E2F6: variants seen among roughly 807,000 people sequenced by gnomAD.
E2F6 encodes the protein transcription factor E2F6.
In E2F6, 19 loss-of-function variants were observed where a neutral mutation model predicts 31.5. The ratio of observed to expected loss-of-function variants is 0.60; its 90% confidence interval spans 0.42 to 0.89. The LOEUF is 0.89. Ranked by LOEUF, E2F6 falls within the 40% of genes least tolerant of loss-of-function variation. The pLI, the probability that E2F6 is intolerant of heterozygous loss-of-function variation, is 0.00. For missense variants in E2F6, 269 were observed against 341.6 expected, an observed-to-expected ratio of 0.79 and a Z score of 1.67; for synonymous variants, 121 against 127.7, an observed-to-expected ratio of 0.95 and a Z score of 0.36.
At chr2:11,456,966 A>G (rs1366193476) in intron 2 of E2F6, 2 of 504,238 alleles carry the variant, frequency 4.0e-6, no homozygotes, top group East Asian at 7.4e-5. Context: ...AGCCTTAAAT[A>G]CAGACTGTTC....
chr2:11,454,557 G>A (rs936683242), intron 2 of E2F6, among the ~76,000 whole-genome samples: 1 of 152,010 alleles, frequency 6.6e-6, no homozygotes, highest in Non-Finnish European at 1.5e-5. Flanking sequence ...ATATTGGCCA[G>A]GCTGGTCTTG....
At position 11,444,988 on chromosome 2, in the gene E2F6, C is replaced by T. The variant is rs1280741508; in HGVS notation, c.*1489G>A. On this transcript the variant is annotated 3_prime_UTR_variant, in exon 7 of 7. Transcript: ENST00000381525. Reference sequence around the variant, plus strand: ...TTGAGGCTAACCGCTGGGGGAGGAGCACACTTCATCCCCAGGTGCACAGAA... The same window carrying T: ...TTGAGGCTAACCGCTGGGGGAGGAGTACACTTCATCCCCAGGTGCACAGAA... 5 of 152,188 alleles carry T rather than the reference C, an allele frequency of 3.3e-5. No individual in the cohort carries two copies. Among genetic ancestry groups the T allele is most frequent in the Admixed American group, 3.3e-4 (5 of 15,276 alleles). The allele number at this position is 152,188 out of a possible 1,614,324, so 9.4% of individuals were successfully genotyped here. A position where few individuals can be genotyped will look rare whatever the true frequency, so the allele number is the denominator to read the frequency against.
At chr2:11,453,828 AT>A in intron 2 of E2F6, 30 bp from the exon 3 acceptor site, 1 of 1,562,366 alleles carries the variant, frequency 6.4e-7, no homozygotes, top group African/African-American at 1.4e-5. Context: ...TATTTGTAAA[AT>A]TTTAAATAAC....
In E2F6 at chr2:11,453,612, T is replaced by A; in HGVS notation, c.350A>T (p.Glu117Val). The A allele has an allele frequency of 6.2e-7, 1 of 1,614,186 alleles. No homozygotes were observed. Among genetic ancestry groups the A allele is most frequent in the African/African-American group, 1.3e-5 (1 of 75,048 alleles). Reference sequence around the variant, plus strand: ...TCTAATATGGTTCTTGGATTTCTTTTCAACGAGGTCGATTCCATCTAAGAC... The same window carrying A: ...TCTAATATGGTTCTTGGATTTCTTTACAACGAGGTCGATTCCATCTAAGAC... ...TNVLDGIDLV[E>V]KKSKNHIRWI... Residue 117 changes from glutamate (E) to valine (V), a missense_variant, in exon 3 of 7, where the codon GAA (glutamate) becomes GTA (valine). Physicochemically the swap from Glu to Val is moderately radical, Grantham distance 121. Transcript: ENST00000381525.
chr2:11,448,686 T>C (rs1670873775), intron 5 of E2F6, among the ~76,000 whole-genome samples: 1 of 152,240 alleles, frequency 6.6e-6, no homozygotes, highest in Non-Finnish European at 1.5e-5. Context: ...TTAATAGATA[T>C]TTCTTAACAA....
intron 2 of E2F6, chr2:11,456,955 T>C (rs948032720): frequency 1.7e-5 from 8 of 467,138 alleles, no homozygotes; most frequent in Admixed American, 4.3e-5. Flanking sequence ...TCTGAGAAAA[T>C]AGCCTTAAAT....
chr2:11,464,402 A>C (rs958972250), intron 1 of E2F6, among the ~76,000 whole-genome samples: 2 of 151,604 alleles, frequency 1.3e-5, no homozygotes, highest in African/African-American at 4.9e-5. Context: ...CTGTAGTCCC[A>C]GCTACTCAGG....
At chr2:11,459,199 C>G (rs895497929) in intron 1 of E2F6, among the ~76,000 whole-genome samples, 1 of 152,098 alleles carries the variant, frequency 6.6e-6, no homozygotes, top group African/African-American at 2.4e-5. Flanking sequence ...TGCAGAGGTT[C>G]CCGTTCTTAA....
intron 1 of E2F6, among the ~76,000 whole-genome samples, chr2:11,465,550 C>T (rs1475717602): frequency 6.6e-6 from 1 of 152,212 alleles, no homozygotes; most frequent in Non-Finnish European, 1.5e-5. Context: ...CAACAGTGCT[C>T]TGAAGTTCCG....
chr2:11,459,241 C>T (rs1671608545), intron 1 of E2F6, among the ~76,000 whole-genome samples: 1 of 152,160 alleles, frequency 6.6e-6, no homozygotes, highest in African/African-American at 2.4e-5. Flanking sequence ...CTTACACACT[C>T]TACTTACTGG....
At chr2:11,457,025 A>T (rs144934115) in intron 2 of E2F6, 154 bp downstream of exon 2, 7,146 of 624,688 alleles carry the variant, frequency 0.011, 59 homozygotes, top group Middle Eastern at 0.027. Flanking sequence ...CCATAACCTC[A>T]GGAGTTGTTA....
At chr2:11,448,897 C>T (rs1054342712) in intron 5 of E2F6, among the ~76,000 whole-genome samples, 2 of 152,240 alleles carry the variant, frequency 1.3e-5, no homozygotes, top group South Asian at 2.1e-4. Context: ...AGGAGCAGGC[C>T]GGATCTGACC....
chr2:11,451,668 A>G lies in E2F6; in HGVS notation c.519T>C (p.Asp173=). 1 of 1,610,482 alleles carries G rather than the reference A, an allele frequency of 6.2e-7. No individual in the cohort carries two copies. Among genetic ancestry groups the G allele is most frequent in the South Asian group, 1.1e-5 (1 of 90,174 alleles). The part of the protein sequence containing the change: ...DCAQQLFELT[D]DKENERLAYV... ...AAGGATATCTTTCATTTTCTTTGTC[A>G]TCTGTTAACTCAAACAGCTGCTGAG... Residue 173 remains aspartate (D), a synonymous_variant, in exon 4 of 7, where the codon GAT becomes GAC. Transcript: ENST00000381525.
intron 3 of E2F6, 140 bp from the exon 4 acceptor site, chr2:11,451,946 C>T: frequency 3.9e-6 from 3 of 768,756 alleles, no homozygotes; most frequent in Non-Finnish European, 6.4e-6. Flanking sequence ...TTAACTTCTG[C>T]CGTCTTTGTT....
chr2:11,453,816 CAT>C lies in E2F6; in HGVS notation c.164-20_164-19del. On this transcript the variant is annotated intron_variant, in intron 2 of 6. Transcript: ENST00000381525. ...TAGAGCTTCTGGGAAACAAAATAAA[CAT>C]ATTTGTAAAATTTTAAATAACATTT... 1 of 1,590,860 alleles carries C rather than the reference CAT, an allele frequency of 6.3e-7. No homozygotes were observed. Among genetic ancestry groups the C allele is most frequent in the Non-Finnish European group, 8.6e-7 (1 of 1,164,422 alleles).
chr2:11,452,322 G>A (rs1298856260), intron 3 of E2F6, among the ~76,000 whole-genome samples: 1 of 152,132 alleles, frequency 6.6e-6, no homozygotes, highest in Non-Finnish European at 1.5e-5. Context: ...ATTATTTTCA[G>A]GCCAGGCATG....
At position 11,450,219 on chromosome 2, in the gene E2F6, A is replaced by G. The variant is rs1211763799; in HGVS notation, c.537-93T>C. On this transcript the variant is annotated intron_variant, in intron 4 of 6. Transcript: ENST00000381525. Reference sequence around the variant, plus strand: ...TCAGTTAACGCAAGGGTAATGTTAGAATGTTTTTAGTTTTTATGAGATACA... The same window carrying G: ...TCAGTTAACGCAAGGGTAATGTTAGGATGTTTTTAGTTTTTATGAGATACA... The G allele has an allele frequency of 1.8e-5, 13 of 742,786 alleles. 1 individual carries two copies. The East Asian group carries it at 2.1e-4, about 12-fold the overall frequency. 46.0% of individuals were successfully genotyped at this position (742,786 alleles called of 1,614,324 possible). A position where few individuals can be genotyped will look rare whatever the true frequency, so the allele number is the denominator to read the frequency against.
At chr2:11,454,352 CTTTT>C (rs535824786) in intron 2 of E2F6, among the ~76,000 whole-genome samples, 3 of 140,502 alleles carry the variant, frequency 2.1e-5, no homozygotes, top group Admixed American at 7.1e-5. Flanking sequence ...GTATCTCTCT[CTTTT>C]TTTTTTTTTT....
At chr2:11,453,254 C>CG (rs1288209747) in intron 3 of E2F6, among the ~76,000 whole-genome samples, 3 of 151,936 alleles carry the variant, frequency 2.0e-5, no homozygotes, top group Non-Finnish European at 2.9e-5. Context: ...TGAGAATGTA[C>CG]TTTCCTGCTT....
Sources: allele counts gnomAD v4.1 joint callset (sites outside exome capture counted in the v4.1 genomes callset), GRCh38; gene constraint gnomAD v4.1.1; transcripts MANE v1.5; gene names NCBI Gene and HGNC (gene_info 2026-07-23, HGNC 2026-07-21).